Variants in SPIRE1 observed in about 807,000 individuals in gnomAD.
SPIRE1 encodes protein spire homolog 1.
SPIRE1 carries 40 observed loss-of-function variants against 94.1 expected under a neutral mutation model. The ratio of observed to expected loss-of-function variants is 0.43; its 90% CI spans 0.33 to 0.55. The LOEUF (loss-of-function observed/expected upper bound fraction) is 0.55. SPIRE1 is among the 20% of genes least tolerant of loss of function. SPIRE1 has a pLI of 0.06. For synonymous variants in SPIRE1, 376 were observed against 371.7 expected (o/e 1.01, Z -0.13); for missense variants, 838 against 975.2 (o/e 0.86, Z 1.87).
chr18:12,611,231 C>T (rs943083591), intron 2 of SPIRE1, among the ~76,000 whole-genome samples: 4 of 152,150 alleles, frequency 2.6e-5, no homozygotes, highest in Non-Finnish European at 5.9e-5. Flanking sequence ...CCCTAATGGC[C>T]CCCACCCTCT....
At chr18:12,659,294 A>G (rs1014052156), upstream of SPIRE1, among the ~76,000 whole-genome samples, 1 of 152,352 alleles carries the variant, frequency 6.6e-6, no homozygotes, top group East Asian at 1.9e-4. Flanking sequence ...ACAACAGTCT[A>G]TTAAAATGAG....
intron 1 of SPIRE1, among the ~76,000 whole-genome samples, chr18:12,645,746 C>T (rs1392750658): frequency 6.6e-6 from 1 of 152,180 alleles, no homozygotes; most frequent in African/African-American, 2.4e-5. Context: ...AATCTGCTTA[C>T]ATCATTTTCC....
chr18:12,541,719 G>A (rs2035019042), intron 3 of SPIRE1, among the ~76,000 whole-genome samples: 1 of 151,962 alleles, frequency 6.6e-6, no homozygotes, highest in African/African-American at 2.4e-5. Context: ...AGTAAACAAT[G>A]TATGATTGGA....
At chr18:12,643,202 A>G (rs1478331546) in intron 1 of SPIRE1, among the ~76,000 whole-genome samples, 1 of 152,210 alleles carries the variant, frequency 6.6e-6, no homozygotes, top group East Asian at 1.9e-4. Flanking sequence ...TTAGAAGACA[A>G]GGACAATGAA....
In SPIRE1 at chr18:12,452,473, A is replaced by C; in HGVS notation, c.1875+12T>G. ...AAGGAACACAAGTATAAATGAACCA[A>C]GCTTAGCTTACCTTTTTGCAACACT... On this transcript the variant is annotated intron_variant, in intron 15 of 16. Transcript: ENST00000409402. 2.5e-6 allele frequency: 4 copies of C among 1,614,060 alleles called. No homozygotes were observed. Among genetic ancestry groups the C allele is most frequent in the Non-Finnish European group, 8.5e-7 (1 of 1,180,038 alleles).
At chr18:12,452,412 G>A in intron 15 of SPIRE1, 21 bp from the exon 16 acceptor site, 1 of 1,614,100 alleles carries the variant, frequency 6.2e-7, no homozygotes, top group Non-Finnish European at 8.5e-7. Flanking sequence ...AAATAAAACT[G>A]GCAATGAGCA....
chr18:12,511,815 C>T (rs1365887019), intron 5 of SPIRE1, among the ~76,000 whole-genome samples: 1 of 152,142 alleles, frequency 6.6e-6, no homozygotes, highest in Non-Finnish European at 1.5e-5. Flanking sequence ...GCCTCAACCT[C>T]CTGGGCTCGT....
chr18:12,505,288 T>C (rs2033790644), intron 6 of SPIRE1, among the ~76,000 whole-genome samples: 2 of 152,186 alleles, frequency 1.3e-5, no homozygotes, highest in Non-Finnish European at 2.9e-5. Context: ...CTCATGCCTA[T>C]AATCCCAGCA....
chr18:12,484,901 A>C (rs1371912115), intron 9 of SPIRE1, among the ~76,000 whole-genome samples: 1 of 151,784 alleles, frequency 6.6e-6, no homozygotes, highest in African/African-American at 2.4e-5. Flanking sequence ...CTATTTCCTA[A>C]AATAAATAAA....
chr18:12,544,504 G>GTT (rs549818922), intron 3 of SPIRE1, among the ~76,000 whole-genome samples: 4 of 140,156 alleles, frequency 2.9e-5, no homozygotes, highest in African/African-American at 7.8e-5. Context: ...GCGCCCAGTC[G>GTT]TTTTTTTTTT....
intron 4 of SPIRE1, among the ~76,000 whole-genome samples, chr18:12,533,548 G>A (rs2034750371): frequency 3.3e-5 from 5 of 152,144 alleles, no homozygotes; most frequent in Admixed American, 2.0e-4. Flanking sequence ...TTTTTTAAAT[G>A]CTCACTGCAG....
intron 16 of SPIRE1, among the ~76,000 whole-genome samples, chr18:12,451,971 T>C (rs1488121477): frequency 6.6e-6 from 1 of 152,154 alleles, no homozygotes; most frequent in Non-Finnish European, 1.5e-5. Context: ...GAAAACAAGG[T>C]CAGTTTTAAA....
rs1030093452 is a variant in SPIRE1 at position 12,449,207 on chromosome 18, T to C, written c.*431A>G. 5.6e-6 allele frequency: 1 copy of C among 177,072 alleles called. No individual in the cohort carries two copies. Among genetic ancestry groups the C allele is most frequent in the Non-Finnish European group, 1.2e-5 (1 of 83,052 alleles). The allele number at this position is 177,072 out of a possible 1,614,324, so 11.0% of individuals were successfully genotyped here. ...GCTCTGGATCTCTCTGTACACGGGATAGAAACACAGTCACGTGGAAATGCC... is the reference window on the plus strand; with the variant it reads ...GCTCTGGATCTCTCTGTACACGGGACAGAAACACAGTCACGTGGAAATGCC... On this transcript the variant is annotated 3_prime_UTR_variant, in exon 17 of 17. Transcript: ENST00000409402.
In SPIRE1 at chr18:12,449,676, C is replaced by T. The variant is rs766013462; in HGVS notation, c.2233G>A (p.Glu745Lys). 6 of 1,614,034 alleles carry T rather than the reference C, an allele frequency of 3.7e-6. No homozygotes were observed. The highest frequency in any genetic ancestry group is 1.3e-5 in the African/African-American group (1 of 74,924). The stretch of plus-strand genomic sequence containing the variant: ...ATCGTCCTCTCTGAAGGGCAGTACT[C>T]CGAGGGGCCTGGCGAGGACATGTAG... ...SFYMSSPGPS[E>K]YCPSERTISE... Residue 745 changes from glutamate (E) to lysine (K), a missense_variant, in exon 17 of 17, where the codon GAG (glutamate) becomes AAG (lysine). Coordinates refer to ENST00000409402, the MANE Select transcript of SPIRE1 (RefSeq NM_001128626.2).
intron 3 of SPIRE1, among the ~76,000 whole-genome samples, chr18:12,545,811 G>C (rs1776134869): frequency 6.6e-6 from 1 of 152,096 alleles, no homozygotes; most frequent in Non-Finnish European, 1.5e-5. Flanking sequence ...TCTAGAAAAA[G>C]GAAATACAGA....
intron 7 of SPIRE1, among the ~76,000 whole-genome samples, chr18:12,495,618 G>C (rs1195613291): frequency 6.6e-6 from 1 of 152,208 alleles, no homozygotes; most frequent in Non-Finnish European, 1.5e-5. Flanking sequence ...GCCAGCTGTA[G>C]TGGCTCATGT....
At position 12,506,314 on chromosome 18, in the gene SPIRE1, C is replaced by T. The variant is rs140927978; in HGVS notation, c.972+163G>A. On this transcript the variant is annotated intron_variant, in intron 6 of 16. Coordinates refer to ENST00000409402, the MANE Select transcript of SPIRE1 (RefSeq NM_001128626.2). ...CTGGAACTACAGGTGTGCACCACCA[C>T]GCCCAACTAATTTTTGTATTTTTTG... Among the ~76,000 whole-genome samples, 535 of 152,144 alleles carry T rather than the reference C, an allele frequency of 3.5e-3. 4 individuals are homozygous for T. Among genetic ancestry groups the T allele is most frequent in the African/African-American group, 0.013 (523 of 41,490 alleles).
intron 9 of SPIRE1, 60 bp from the exon 10 acceptor site, chr18:12,479,931 G>A: frequency 1.3e-6 from 2 of 1,502,116 alleles, no homozygotes; most frequent in Non-Finnish European, 1.8e-6. Flanking sequence ...TGTGTTGGAA[G>A]CATACCAGGT....
At chr18:12,493,248 T>C in intron 7 of SPIRE1, 47 bp from the exon 8 acceptor site, 2 of 1,556,038 alleles carry the variant, frequency 1.3e-6, no homozygotes, top group Middle Eastern at 2.1e-4. Context: ...TTAAGTAATT[T>C]TTACTGAAGT....
Sources: gnomAD v4.1 joint callset for allele counts (sites outside exome capture counted in the v4.1 genomes callset) on GRCh38, gnomAD v4.1.1 for gene constraint, MANE v1.5 for transcripts, NCBI Gene and HGNC (gene_info 2026-07-23, HGNC 2026-07-21) for gene names.